Variants in ARHGAP29 observed in about 807,000 individuals in gnomAD.
ARHGAP29 encodes the protein Rho GTPase activating protein 29.
A neutral mutation model predicts 122.6 loss-of-function variants in ARHGAP29; 43 were observed. The ratio of observed to expected loss-of-function variants is 0.35; its 90% CI spans 0.27 to 0.45. The LOEUF (loss-of-function observed/expected upper bound fraction) is 0.45. Among genes scored for constraint, ARHGAP29 ranks in the 20% least tolerant of loss-of-function variants. The pLI is 1.00. For missense variants in ARHGAP29, 1,303 were observed against 1,477.2 expected, an observed-to-expected ratio of 0.88 and a Z score of 1.93; for synonymous variants, 506 against 497.1, an observed-to-expected ratio of 1.02 and a Z score of -0.24.
At chr1:94,182,129 T>G (rs142348710) in intron 19 of ARHGAP29, among the ~76,000 whole-genome samples, 1 of 151,718 alleles carries the variant, frequency 6.6e-6, no homozygotes. Context: ...TCCTCAGATA[T>G]GGCAGTCATT....
At chr1:94,289,592 A>C in the ARHGAP29 span, among the ~76,000 whole-genome samples, 1 of 152,202 alleles carries the variant, frequency 6.6e-6, no homozygotes, top group Non-Finnish European at 1.5e-5. Flanking sequence ...GAATGCTTCC[A>C]GTTTTTGCCC....
intron 1 of ARHGAP29, among the ~76,000 whole-genome samples, chr1:94,252,383 T>C (rs1311776296): frequency 6.6e-6 from 1 of 152,186 alleles, no homozygotes; most frequent in Non-Finnish European, 1.5e-5. Context: ...GAAGTAAAAG[T>C]GAAGCCTCTG....
At chr1:94,216,954 T>G (rs1252538379) in intron 3 of ARHGAP29, among the ~76,000 whole-genome samples, 1 of 152,088 alleles carries the variant, frequency 6.6e-6, no homozygotes, top group African/African-American at 2.4e-5. Context: ...GGAAAAAAAT[T>G]AAAGATTTTT....
upstream of ARHGAP29, among the ~76,000 whole-genome samples, chr1:94,275,620 G>T (rs1293162054): frequency 6.6e-6 from 1 of 152,108 alleles, no homozygotes; most frequent in Non-Finnish European, 1.5e-5. Context: ...GACAGGTGCT[G>T]GTTGGCAGTC....
In ARHGAP29 at chr1:94,266,180, G is replaced by A. The variant is rs188081952; in HGVS notation, c.-33+8832C>T. Among the ~76,000 whole-genome samples the A allele has an allele frequency of 1.0e-3, 156 of 152,304 alleles. 1 individual carries two copies. Among genetic ancestry groups the A allele is most frequent in the Non-Finnish European group, 1.5e-4 (10 of 68,020 alleles). ...CTACAGCAATGCTAGCAGGAAAATA[G>A]AAAATGACAGGCAAATGGACTGGCA... is the stretch of plus-strand genomic sequence containing the variant. On this transcript the variant is annotated intron_variant and NMD_transcript_variant, in intron 1 of 25. Coordinates refer to the ARHGAP29 transcript ENST00000552844.
At position 94,174,676 on chromosome 1, in the gene ARHGAP29, C is replaced by T; in HGVS notation, c.2979G>A (p.Lys993=). The T allele has an allele frequency of 6.2e-7, 1 of 1,614,050 alleles. No homozygotes were observed. The highest frequency in any genetic ancestry group is 8.5e-7 in the Non-Finnish European group (1 of 1,180,014). ...SQKIEDGKTP[K]PLSLKSDRST... is the part of the protein sequence containing the mutation. The stretch of plus-strand genomic sequence containing the variant: ...ACCTATCAGATTTCAGAGAAAGTGG[C>T]TTAGGGGTTTTACCATCTTCTATCT... Residue 993 remains lysine, a synonymous_variant, in exon 23 of 23, where the codon AAG becomes AAA. Coordinates refer to ENST00000260526, the MANE Select transcript of ARHGAP29 (RefSeq NM_004815.4).
rs77925108 is a variant in ARHGAP29, at chr1:94,181,047, G to A, written c.2248-1090C>T. On this transcript the variant is annotated intron_variant, in intron 19 of 22. Transcript: ENST00000260526. ...ACAATTATACCCAATTTCTTTTCCTGCAATCCCACTAAAATACAGTAAGCC... is the reference window on the plus strand; with the variant it reads ...ACAATTATACCCAATTTCTTTTCCTACAATCCCACTAAAATACAGTAAGCC... 1.6e-3 allele frequency among the ~76,000 whole-genome samples: 242 copies of A among 152,242 alleles called. 3 individuals carry two copies. Among genetic ancestry groups the A allele is most frequent in the African/African-American group, 5.4e-3 (226 of 41,540 alleles).
chr1:94,301,849 TACTC>T, the ARHGAP29 span, among the ~76,000 whole-genome samples: 17 of 152,138 alleles, frequency 1.1e-4, no homozygotes, highest in Non-Finnish European at 2.4e-4. Context: ...CTCTTTCTCT[TACTC>T]TCTCTCTCTA....
chr1:94,273,749 T>C (rs911883308), intron 1 of ARHGAP29, among the ~76,000 whole-genome samples: 6 of 152,174 alleles, frequency 3.9e-5, no homozygotes, highest in Admixed American at 3.9e-4. Context: ...TAGAGAAGTT[T>C]TTAGTCTTTT....
intron 2 of ARHGAP29, among the ~76,000 whole-genome samples, chr1:94,222,723 TG>T (rs1002762778): frequency 5.3e-5 from 8 of 152,320 alleles, no homozygotes; most frequent in Admixed American, 4.6e-4. Flanking sequence ...TTAATAATAA[TG>T]CATCATTTTA....
chr1:94,313,840 C>A, the ARHGAP29 span, among the ~76,000 whole-genome samples: 1 of 152,132 alleles, frequency 6.6e-6, no homozygotes, highest in Admixed American at 6.5e-5. Flanking sequence ...ATGGATGAAG[C>A]TGGAAACCAT....
At chr1:94,190,202 A>T in intron 12 of ARHGAP29, 119 bp from the exon 13 acceptor site, 1 of 1,020,248 alleles carries the variant, frequency 9.8e-7, no homozygotes, top group Non-Finnish European at 1.4e-6. Context: ...TACAACACTG[A>T]ATATCACTCT....
intron 3 of ARHGAP29, among the ~76,000 whole-genome samples, chr1:94,212,870 C>G (rs761321073): frequency 2.0e-5 from 3 of 152,170 alleles, no homozygotes; most frequent in Non-Finnish European, 4.4e-5. Context: ...AATATACCTA[C>G]TCTTTCCTAC....
the ARHGAP29 span, among the ~76,000 whole-genome samples, chr1:94,293,258 G>T: frequency 1.3e-5 from 2 of 152,204 alleles, no homozygotes; most frequent in Admixed American, 6.5e-5. Context: ...CAGCGAGCAA[G>T]GCTCCATGGG....
chr1:94,238,457 G>A (rs527563357), upstream of ARHGAP29, among the ~76,000 whole-genome samples: 30 of 152,176 alleles, frequency 2.0e-4, no homozygotes, highest in African/African-American at 6.3e-4. Flanking sequence ...TAGCAAGCAG[G>A]GCTAGAAAGC....
At chr1:94,240,922 G>C (rs928207982), upstream of ARHGAP29, among the ~76,000 whole-genome samples, 2 of 152,072 alleles carry the variant, frequency 1.3e-5, no homozygotes, top group Non-Finnish European at 2.9e-5. Context: ...CTGTAGTTTA[G>C]GTAGCCTACT....
At chr1:94,223,521 C>T (rs2101592263) in intron 2 of ARHGAP29, among the ~76,000 whole-genome samples, 1 of 152,098 alleles carries the variant, frequency 6.6e-6, no homozygotes, top group Middle Eastern at 3.4e-3. Context: ...ACACAGTAGG[C>T]CCTTCATAAA....
At chr1:94,180,154 A>G (rs1649366255) in intron 19 of ARHGAP29, among the ~76,000 whole-genome samples, 197 bp from the exon 20 acceptor site, 1 of 152,170 alleles carries the variant, frequency 6.6e-6, no homozygotes. Flanking sequence ...ATAAATTGTT[A>G]TCTGTATTAA....
At chr1:94,284,904 C>T in the ARHGAP29 span, among the ~76,000 whole-genome samples, 14 of 152,110 alleles carry the variant, frequency 9.2e-5, no homozygotes, top group African/African-American at 3.4e-4. Context: ...GGTGGTTGCC[C>T]AGCATTGAAC....
Sources: allele counts gnomAD v4.1 joint callset (sites outside exome capture counted in the v4.1 genomes callset), GRCh38; gene constraint gnomAD v4.1.1; transcripts MANE v1.5; gene names NCBI Gene and HGNC (gene_info 2026-07-23, HGNC 2026-07-21).